Variants in GPM6B observed in about 807,000 individuals in gnomAD.
The protein encoded by GPM6B is glycoprotein M6B.
GPM6B carries 4 observed loss-of-function variants against 27.2 expected under a neutral mutation model. That is an observed-to-expected ratio of 0.15 (90% confidence interval 0.07 to 0.34). The LOEUF (loss-of-function observed/expected upper bound fraction) is 0.34. GPM6B is among the 10% of genes least tolerant of loss of function. The pLI is 1.00. For missense variants in GPM6B, 183 were observed against 261.9 expected, an observed-to-expected ratio of 0.70 and a Z score of 2.08; for synonymous variants, 124 against 103.1, an observed-to-expected ratio of 1.20 and a Z score of -1.23.
At position 13,787,470 on chromosome X, in the gene GPM6B, C is replaced by T. The variant is rs374192579; in HGVS notation, c.182-1662G>A. On this transcript the variant is annotated intron_variant, in intron 2 of 7. Transcript: ENST00000316715. ...ACTTGGGAGGCTGAGGCAAGGGAAT[C>T]GCTTGAACCCAGGAGGAAGAGGTTG... 3.8e-3 allele frequency among the ~76,000 whole-genome samples: 425 copies of T among 111,668 alleles called. 2 individuals are homozygous for T. The highest frequency in any genetic ancestry group is 0.013 in the African/African-American group (396 of 30,718).
At chrX:13,913,433 G>A (rs932416238) in intron 1 of GPM6B, among the ~76,000 whole-genome samples, 5 of 111,005 alleles carry the variant, frequency 4.5e-5, no homozygotes, top group African/African-American at 1.3e-4. Flanking sequence ...GACTGCAGGC[G>A]TAAGCCACCA....
chrX:13,795,476 C>T (rs1483260387), intron 2 of GPM6B, among the ~76,000 whole-genome samples: 3 of 111,697 alleles, frequency 2.7e-5, no homozygotes, highest in African/African-American at 9.8e-5. Context: ...TCTTCATATA[C>T]TTCAACCAAA....
intron 2 of GPM6B, among the ~76,000 whole-genome samples, chrX:13,802,471 C>CA (rs1479944722): frequency 1.8e-5 from 2 of 111,014 alleles, no homozygotes; most frequent in Non-Finnish European, 3.8e-5. Context: ...CAATATAGCG[C>CA]ATAAACAATG....
chrX:13,846,437 C>A (rs1443649005), intron 1 of GPM6B, among the ~76,000 whole-genome samples: 1 of 111,876 alleles, frequency 8.9e-6, no homozygotes, highest in African/African-American at 3.3e-5. Context: ...GTAAGGAAAT[C>A]TCTGAACACT....
intron 1 of GPM6B, among the ~76,000 whole-genome samples, chrX:13,824,777 C>T (rs1406178378): frequency 2.7e-5 from 3 of 111,781 alleles, no homozygotes; most frequent in Non-Finnish European, 5.7e-5. Context: ...CTGGAGAGAT[C>T]GGGTGATGTA....
Position 13,902,114 on chromosome X carries a change from G to C in GPM6B, c.-198+36213C>G, listed in dbSNP as rs2050287607. On this transcript the variant is annotated intron_variant, in intron 1 of 6. Transcript: ENST00000398361. ...AGGAGTATAAGTGTGTGGTTTTCCTGGCAGACTCAGTCTACCATCTCTGAG... is the reference window on the plus strand; with the variant it reads ...AGGAGTATAAGTGTGTGGTTTTCCTCGCAGACTCAGTCTACCATCTCTGAG... Among the ~76,000 whole-genome samples, 3 of 111,271 alleles carry C rather than the reference G, an allele frequency of 2.7e-5. No individual in the cohort carries two copies. In the Admixed American group the frequency reaches 2.9e-4, roughly 11 times the overall value.
chrX:13,829,548 A>G (rs2049414595), intron 1 of GPM6B, among the ~76,000 whole-genome samples: 3 of 110,905 alleles, frequency 2.7e-5, no homozygotes, highest in Admixed American at 9.6e-5. Flanking sequence ...TGACCCTGAA[A>G]AGTTCATTTC....
intron 1 of GPM6B, among the ~76,000 whole-genome samples, chrX:13,810,788 G>A (rs1007689047): frequency 1.9e-5 from 2 of 106,490 alleles, no homozygotes; most frequent in East Asian, 2.9e-4. Flanking sequence ...AAGACACACC[G>A]ATGGGATCGG....
chrX:13,827,271 CTTTTTTTTTTTTT>C (rs1173680918), intron 1 of GPM6B, among the ~76,000 whole-genome samples: 6 of 73,645 alleles, frequency 8.1e-5, no homozygotes, highest in Admixed American at 7.3e-4. Flanking sequence ...TACCGACTTC[CTTTTTTTTTTTTT>C]TTTTTTTTTT....
At chrX:13,901,975 A>C (rs1225215683) in intron 1 of GPM6B, among the ~76,000 whole-genome samples, 1 of 112,371 alleles carries the variant, frequency 8.9e-6, no homozygotes, top group Non-Finnish European at 1.9e-5. Context: ...ACAAAGTTAC[A>C]CTAAAACTAT....
intron 1 of GPM6B, among the ~76,000 whole-genome samples, chrX:13,902,746 T>G (rs1317222655): frequency 9.0e-6 from 1 of 111,256 alleles, no homozygotes; most frequent in Non-Finnish European, 1.9e-5. Context: ...GAAGCCCATC[T>G]CTCTTTATTC....
chrX:13,801,547 T>C (rs1318521474), intron 2 of GPM6B, among the ~76,000 whole-genome samples: 1 of 112,280 alleles, frequency 8.9e-6, no homozygotes, highest in Admixed American at 9.4e-5. Flanking sequence ...GGTGTATAGT[T>C]GCAGCTTCTC....
chrX:13,888,390 T>C (rs2050157713), intron 1 of GPM6B, among the ~76,000 whole-genome samples: 1 of 112,129 alleles, frequency 8.9e-6, no homozygotes, highest in African/African-American at 3.2e-5. Flanking sequence ...TGTTTCGCCC[T>C]AGTAAATGAA....
intron 1 of GPM6B, among the ~76,000 whole-genome samples, chrX:13,829,859 ATT>A (rs34742721): frequency 0.026 from 2,289 of 88,402 alleles, 84 homozygotes; most frequent in African/African-American, 0.087. Flanking sequence ...TCTGTCCTGA[ATT>A]TTTTTTTTTT....
At chrX:13,831,177 T>TACACACACACAC (rs536337642) in intron 1 of GPM6B, among the ~76,000 whole-genome samples, 109 of 81,619 alleles carry the variant, frequency 1.3e-3, no homozygotes, top group African/African-American at 4.1e-3. Flanking sequence ...AAGAGCTCAG[T>TACACACACACAC]ACACACACAC....
chrX:13,894,727 T>C (rs2050217460), intron 1 of GPM6B, among the ~76,000 whole-genome samples: 1 of 112,555 alleles, frequency 8.9e-6, no homozygotes, highest in Non-Finnish European at 1.9e-5. Flanking sequence ...AAAAATAACG[T>C]TGGGTTCTTT....
Position 13,773,899 on chromosome X carries a change from G to A in GPM6B, c.838-869C>T, listed in dbSNP as rs781564849. 48 of 620,156 alleles carry A rather than the reference G, an allele frequency of 7.7e-5. No homozygotes were observed. In the African/African-American group the frequency reaches 1.2e-3, roughly 15 times the overall value. 51.1% of individuals were successfully genotyped at this position (620,156 alleles called of 1,213,427 possible). On this transcript the variant is annotated intron_variant, in intron 7 of 7. Coordinates refer to ENST00000316715, the MANE Select transcript of GPM6B (RefSeq NM_001001995.3). The stretch of plus-strand genomic sequence containing the variant: ...CAATTTAAGGTTACCAATTTTGTGG[G>A]CTCTAACAGAATGATTGTGTTGTAC...
chrX:13,937,528 T>C (rs1921898657), intron 1 of GPM6B, among the ~76,000 whole-genome samples: 2 of 111,578 alleles, frequency 1.8e-5, no homozygotes, highest in African/African-American at 6.5e-5. Flanking sequence ...TCACAGTCTT[T>C]GTGGCTTGTG....
At position 13,811,136 on chromosome X, in the gene GPM6B, A is replaced by G. The variant is rs763464273; in HGVS notation, c.62-3367T>C. Reference sequence around the variant, plus strand: ...TGCCCTGCAGAGGGAAAACTGCAAAATGTTCCCCCTAAGAGAGTGAAGATA... The same window carrying G: ...TGCCCTGCAGAGGGAAAACTGCAAAGTGTTCCCCCTAAGAGAGTGAAGATA... On this transcript the variant is annotated intron_variant, in intron 1 of 7. Coordinates refer to ENST00000316715, the MANE Select transcript of GPM6B (RefSeq NM_001001995.3). 1.3e-4 allele frequency among the ~76,000 whole-genome samples: 15 copies of G among 112,057 alleles called. No homozygotes were observed. In the South Asian group the frequency reaches 1.9e-3, roughly 14 times the overall value.
Sources: allele counts gnomAD v4.1 joint callset (sites outside exome capture counted in the v4.1 genomes callset), GRCh38; gene constraint gnomAD v4.1.1; transcripts MANE v1.5; gene names NCBI Gene and HGNC (gene_info 2026-07-23, HGNC 2026-07-21).